Variants in ELAVL2 observed in about 807,000 individuals in gnomAD.
ELAVL2 encodes the protein ELAV like RNA binding protein 2, also known as ELAV-like protein 2.
ELAVL2 carries 4 observed loss-of-function variants against 34.6 expected under a neutral mutation model. That is an observed-to-expected ratio of 0.12 (90% CI 0.06 to 0.26). The LOEUF is 0.26. Ranked by LOEUF, ELAVL2 falls within the 10% of genes least tolerant of loss-of-function variation. The pLI is 1.00. For synonymous variants in ELAVL2, 193 were observed against 154.8 expected, an observed-to-expected ratio of 1.25 and a Z score of -1.83; for missense variants, 432 against 442.8, an observed-to-expected ratio of 0.98 and a Z score of 0.22.
At chr9:23,719,927 G>A (rs943591521) in intron 3 of ELAVL2, among the ~76,000 whole-genome samples, 21 of 150,754 alleles carry the variant, frequency 1.4e-4, no homozygotes, top group Non-Finnish European at 2.2e-4. Context: ...CCGGGTTCAA[G>A]GGATTCTCCT....
At position 23,691,478 on chromosome 9, in the gene ELAVL2, T is replaced by C. The variant is rs1167215032; in HGVS notation, c.*1079A>G. The C allele has an allele frequency of 6.6e-6, 1 of 152,544 alleles. No homozygotes were observed. The highest frequency in any genetic ancestry group is 1.5e-5 in the Non-Finnish European group (1 of 67,994). The allele number at this position is 152,544 out of a possible 1,614,324, so 9.4% of individuals were successfully genotyped here. A position where few individuals can be genotyped will look rare whatever the true frequency, so the allele number is the denominator to read the frequency against. The stretch of plus-strand genomic sequence containing the variant: ...ACTGCAAGTACATCACTAAACACCA[T>C]GAGCTCTATCTGAAGGGATTTCTTT... On this transcript the variant is annotated 3_prime_UTR_variant, in exon 7 of 7. Transcript: ENST00000397312.
intron 1 of ELAVL2, among the ~76,000 whole-genome samples, chr9:23,775,900 G>A (rs2058106200): frequency 6.6e-6 from 1 of 152,136 alleles, no homozygotes; most frequent in Admixed American, 6.5e-5. Flanking sequence ...GAAGCCTTCT[G>A]TGAACCACTC....
chr9:23,696,340 C>T (rs1249941925), intron 5 of ELAVL2, among the ~76,000 whole-genome samples: 1 of 152,178 alleles, frequency 6.6e-6, no homozygotes, highest in African/African-American at 2.4e-5. Flanking sequence ...AATCCAGTAG[C>T]AGTTGGCAAA....
chr9:23,820,874 C>G (rs996695822), intron 1 of ELAVL2, among the ~76,000 whole-genome samples: 9 of 152,240 alleles, frequency 5.9e-5, no homozygotes, highest in Admixed American at 5.2e-4. Flanking sequence ...GCGCACGCCT[C>G]GCGCGCAAAC....
intron 2 of ELAVL2, among the ~76,000 whole-genome samples, chr9:23,751,114 A>T (rs1003094308): frequency 6.6e-6 from 1 of 152,138 alleles, no homozygotes; most frequent in Non-Finnish European, 1.5e-5. Flanking sequence ...CAAGAAATGC[A>T]AATTTTTGTT....
Position 23,692,872 on chromosome 9 carries a change from C to T in ELAVL2, c.765G>A (p.Met255Ile). ...CCAAACTGGTCATTCCGTCAATGGT[C>T]ATTGGAGAAAACCTGCTAAACAGAA... ...MAYGVKRFSPMTIDGMTSLAG... is the reference protein window; with the variant it reads ...MAYGVKRFSPITIDGMTSLAG... The change falls in exon 7 of 7, where the codon ATG becomes ATA. Residue 255 changes from methionine (M) to isoleucine (I), a missense_variant. Met to Ile is a conservative substitution (Grantham distance 10, BLOSUM62 1). Transcript: ENST00000397312. 1.2e-6 allele frequency: 2 copies of T among 1,613,474 alleles called. No homozygotes were observed. Among genetic ancestry groups the T allele is most frequent in the Non-Finnish European group, 1.7e-6 (2 of 1,179,560 alleles).
intron 2 of ELAVL2, among the ~76,000 whole-genome samples, chr9:23,733,778 G>C (rs960420811): frequency 6.6e-6 from 1 of 152,108 alleles, no homozygotes; most frequent in Admixed American, 6.6e-5. Context: ...TTTGCTAAAT[G>C]AAAGAATGAG....
Position 23,826,045 on chromosome 9 carries a change from G to A in ELAVL2, c.-255C>T, listed in dbSNP as rs1239672513. 6.6e-6 allele frequency: 1 copy of A among 152,164 alleles called. No individual in the cohort carries two copies. Among genetic ancestry groups the A allele is most frequent in the East Asian group, 1.9e-4 (1 of 5,196 alleles). 9.4% of individuals were successfully genotyped at this position (152,164 alleles called of 1,614,324 possible). A position where few individuals can be genotyped will look rare whatever the true frequency, so the allele number is the denominator to read the frequency against. On this transcript the variant is annotated 5_prime_UTR_variant, in exon 1 of 7. Transcript: ENST00000397312. ...AACTTAAAAAAGAGTTTAAAAAGAC[G>A]GAGAGACTACCCTCCTATTGCCGTT...
chr9:23,826,532 G>C (rs1267331307), upstream of ELAVL2, among the ~76,000 whole-genome samples: 1 of 152,220 alleles, frequency 6.6e-6, no homozygotes, highest in Non-Finnish European at 1.5e-5. Context: ...GTTGTGCGGG[G>C]AGGTACACTC....
intron 2 of ELAVL2, among the ~76,000 whole-genome samples, chr9:23,742,014 C>A (rs1353585811): frequency 6.6e-6 from 1 of 152,140 alleles, no homozygotes; most frequent in Non-Finnish European, 1.5e-5. Context: ...CAGGAGGATC[C>A]ATACTTCCTT....
rs903369952 is a variant in ELAVL2, at chr9:23,812,876, A to G, written c.-16+12930T>C. Among the ~76,000 whole-genome samples, 4 of 152,224 alleles carry G rather than the reference A, an allele frequency of 2.6e-5. 1 individual carries two copies. Among genetic ancestry groups the G allele is most frequent in the East Asian group, 1.9e-4 (1 of 5,166 alleles). Reference sequence around the variant, plus strand: ...CAGGGGCACATTCTGATTCATCGTTATAACTGGCCTAGCTGAAGTGGCTGC... The same window carrying G: ...CAGGGGCACATTCTGATTCATCGTTGTAACTGGCCTAGCTGAAGTGGCTGC... On this transcript the variant is annotated intron_variant, in intron 1 of 6. Coordinates refer to ENST00000397312, the MANE Select transcript of ELAVL2 (RefSeq NM_004432.5).
At chr9:23,752,672 C>G (rs150574923) in intron 2 of ELAVL2, among the ~76,000 whole-genome samples, 1,570 of 152,162 alleles carry the variant, frequency 0.01, 33 homozygotes, top group African/African-American at 0.036. Context: ...CCAGGCTGGC[C>G]TTGATCTCCT....
intron 2 of ELAVL2, among the ~76,000 whole-genome samples, chr9:23,744,343 C>T (rs548427506): frequency 6.6e-6 from 1 of 152,284 alleles, no homozygotes; most frequent in Admixed American, 6.5e-5. Flanking sequence ...GAATGTTTTA[C>T]TAAATAACTA....
intron 1 of ELAVL2, among the ~76,000 whole-genome samples, chr9:23,823,431 C>T (rs894185853): frequency 2.0e-5 from 3 of 152,212 alleles, no homozygotes; most frequent in Non-Finnish European, 2.9e-5. Flanking sequence ...CAAACCACTT[C>T]TTCCTACAAC....
At chr9:23,765,131 T>C in intron 1 of ELAVL2, 1 of 1,562,512 alleles carries the variant, frequency 6.4e-7, no homozygotes, top group Non-Finnish European at 8.6e-7. Context: ...TACCGTATGT[T>C]AGATGAGCAA....
At chr9:23,727,707 C>G (rs547973829) in intron 3 of ELAVL2, among the ~76,000 whole-genome samples, 2 of 152,148 alleles carry the variant, frequency 1.3e-5, no homozygotes, top group East Asian at 3.9e-4. Flanking sequence ...GATTAAGATG[C>G]AACCAAAGTT....
At chr9:23,759,777 T>A (rs1042538554) in intron 2 of ELAVL2, among the ~76,000 whole-genome samples, 1 of 137,506 alleles carries the variant, frequency 7.3e-6, no homozygotes, top group Non-Finnish European at 1.6e-5. Flanking sequence ...TATATATATA[T>A]ATATATATAT....
In ELAVL2 at chr9:23,804,008, T is replaced by C. The variant is rs184236124; in HGVS notation, c.-16+21798A>G. On this transcript the variant is annotated intron_variant, in intron 1 of 6. Transcript: ENST00000397312. Reference sequence around the variant, plus strand: ...TGAATGCTAACAAACAGCTCATATGTAGGAAAAGTGCAAATCTATTAAAAT... The same window carrying C: ...TGAATGCTAACAAACAGCTCATATGCAGGAAAAGTGCAAATCTATTAAAAT... 6.2e-4 allele frequency among the ~76,000 whole-genome samples: 95 copies of C among 152,176 alleles called. 1 individual carries two copies. The highest frequency in any genetic ancestry group is 2.8e-3 in the Admixed American group (43 of 15,292).
chr9:23,777,166 T>C lies in ELAVL2; in HGVS notation c.-15-14917A>G, dbSNP rs116882336. Among the ~76,000 whole-genome samples, 395 of 152,328 alleles carry C rather than the reference T, an allele frequency of 2.6e-3. 6 individuals carry two copies. In the East Asian group the frequency reaches 0.03, roughly 11 times the overall value. ...AGTACCTACTAAGTACCAGGCAATA[T>C]AGTCTACAGCAGTTAGGACTGCAAT... On this transcript the variant is annotated intron_variant, in intron 1 of 6. Transcript: ENST00000397312.
Sources: allele counts gnomAD v4.1 joint callset (sites outside exome capture counted in the v4.1 genomes callset), GRCh38; gene constraint gnomAD v4.1.1; transcripts MANE v1.5; gene names NCBI Gene and HGNC (gene_info 2026-07-23, HGNC 2026-07-21).